FAM118A: variants seen among roughly 807,000 people sequenced by gnomAD.
FAM118A encodes the protein protein FAM118A.
Under a neutral mutation model 38.2 loss-of-function variants are expected in FAM118A, and 25 were observed. That is an observed-to-expected ratio of 0.65 (90% confidence interval 0.48 to 0.91). FAM118A has a LOEUF of 0.91. Among genes scored for constraint, FAM118A ranks in the 40% least tolerant of loss-of-function variants. The pLI is 0.00. For synonymous variants in FAM118A, 178 were observed against 184.1 expected, an observed-to-expected ratio of 0.97 and a Z score of 0.27; for missense variants, 425 against 463.3, an observed-to-expected ratio of 0.92 and a Z score of 0.76.
chr22:45,330,679 T>C lies in FAM118A; in HGVS notation c.599T>C (p.Val200Ala). The C allele has an allele frequency of 6.2e-7, 1 of 1,603,624 alleles. No homozygotes were observed. Among genetic ancestry groups the C allele is most frequent in the South Asian group, 1.1e-5 (1 of 89,578 alleles). Residue 200 changes from valine to alanine, a missense_variant, in exon 5 of 9, where the codon GTG (valine) becomes GCG (alanine). Transcript: ENST00000441876. ...IHGLYTDPCG[V>A]VLDPSGYKDV... ...GGCCTCTACACGGACCCCTGCGGGG[T>C]GGTGCTGGACCCATCGGGGTATAAA...
chr22:45,322,331 TG>T, intron 1 of FAM118A, 39 bp from the exon 2 acceptor site: 1 of 1,594,104 alleles, frequency 6.3e-7, no homozygotes. Context: ...AACTTTTACC[TG>T]GGAGACAGAA....
intron 4 of FAM118A, chr22:45,328,475 C>G (rs577324344): frequency 4.7e-6 from 4 of 857,338 alleles, no homozygotes; most frequent in African/African-American, 4.6e-5. Flanking sequence ...CAGTGAATTA[C>G]TAATAAAGTA....
intron 1 of FAM118A, among the ~76,000 whole-genome samples, chr22:45,311,618 T>G (rs1601865287): frequency 6.6e-6 from 1 of 151,400 alleles, no homozygotes; most frequent in Non-Finnish European, 1.5e-5. Context: ...GAGTGGAGGG[T>G]TTGGTACTTA....
intron 8 of FAM118A, among the ~76,000 whole-genome samples, chr22:45,339,563 A>G (rs1428777856): frequency 2.0e-5 from 3 of 152,204 alleles, no homozygotes; most frequent in Non-Finnish European, 4.4e-5. Context: ...TCATATAAGT[A>G]AAAACAAAAC....
At chr22:45,315,506 T>C (rs759578861) in intron 1 of FAM118A, among the ~76,000 whole-genome samples, 5 of 152,208 alleles carry the variant, frequency 3.3e-5, no homozygotes, top group Non-Finnish European at 5.9e-5. Flanking sequence ...TAACAGACAC[T>C]GTACACTTTA....
intron 1 of FAM118A, among the ~76,000 whole-genome samples, chr22:45,317,862 T>C (rs1322802653): frequency 6.6e-6 from 1 of 152,034 alleles, no homozygotes; most frequent in East Asian, 1.9e-4. Flanking sequence ...AAAGGGTGTG[T>C]CGGACTTGTA....
intron 1 of FAM118A, among the ~76,000 whole-genome samples, chr22:45,312,107 TCAA>T (rs945743528): frequency 5.3e-5 from 8 of 152,104 alleles, no homozygotes; most frequent in Non-Finnish European, 8.8e-5. Context: ...ATTATCTCAC[TCAA>T]CGACAATCAA....
At chr22:45,333,075 G>T (rs1009305754) in intron 6 of FAM118A, among the ~76,000 whole-genome samples, 1 of 152,034 alleles carries the variant, frequency 6.6e-6, no homozygotes, top group Non-Finnish European at 1.5e-5. Context: ...AACTCACAGG[G>T]CTCTTCCAGT....
chr22:45,310,480 C>T lies in FAM118A; in HGVS notation c.-10+297C>T, dbSNP rs1163306717. On this transcript the variant is annotated intron_variant, in intron 1 of 8. Transcript: ENST00000441876. ...TTCCCTTGGGACTTGCTTCCAGCAA[C>T]CTCCTCAGAAGCCCCCAGGCCCGGG... Among the ~76,000 whole-genome samples the T allele has an allele frequency of 2.0e-5, 3 of 152,286 alleles. 1 individual carries two copies. The highest frequency in any genetic ancestry group is 4.4e-5 in the Non-Finnish European group (3 of 68,018).
At chr22:45,331,268 G>A (rs1417642074) in intron 5 of FAM118A, among the ~76,000 whole-genome samples, 1 of 152,142 alleles carries the variant, frequency 6.6e-6, no homozygotes, top group Non-Finnish European at 1.5e-5. Context: ...AGGCTATGGT[G>A]AACTGGGATC....
chr22:45,320,701 G>T (rs949883875), intron 1 of FAM118A, among the ~76,000 whole-genome samples: 1 of 152,072 alleles, frequency 6.6e-6, no homozygotes, highest in Non-Finnish European at 1.5e-5. Flanking sequence ...GCCTCCCAAA[G>T]TGCTGGGATT....
intron 6 of FAM118A, among the ~76,000 whole-genome samples, chr22:45,333,169 G>A (rs2085846352): frequency 1.3e-5 from 2 of 152,106 alleles, no homozygotes; most frequent in Admixed American, 6.5e-5. Context: ...AACTGCCTCT[G>A]TAATTTAAAA....
chr22:45,339,255 G>A (rs898731111), intron 8 of FAM118A, among the ~76,000 whole-genome samples: 8 of 152,170 alleles, frequency 5.3e-5, no homozygotes, highest in Admixed American at 5.2e-4. Context: ...AATTAACTGG[G>A]TGTGGTGGCG....
At chr22:45,317,701 C>G (rs775568235) in intron 1 of FAM118A, among the ~76,000 whole-genome samples, 42 of 152,348 alleles carry the variant, frequency 2.8e-4, no homozygotes, top group Non-Finnish European at 4.1e-4. Context: ...CCCGGCCCAG[C>G]AGGTTCTTAT....
chr22:45,338,315 C>T lies in FAM118A; in HGVS notation c.1054+1904C>T, dbSNP rs144817545. ...CGCGATCTCGGCTCACCACAACCTCCGCTTCTTGGATTCAAGCTGTTTTCC... is the reference window on the plus strand; with the variant it reads ...CGCGATCTCGGCTCACCACAACCTCTGCTTCTTGGATTCAAGCTGTTTTCC... On this transcript the variant is annotated intron_variant, in intron 8 of 8. Coordinates refer to ENST00000441876, the MANE Select transcript of FAM118A (RefSeq NM_017911.4). Among the ~76,000 whole-genome samples the T allele has an allele frequency of 3.8e-3, 572 of 152,206 alleles. 6 individuals are homozygous for T. Among genetic ancestry groups the T allele is most frequent in the African/African-American group, 0.013 (541 of 41,532 alleles).
intron 8 of FAM118A, among the ~76,000 whole-genome samples, chr22:45,338,948 C>T (rs1278371762): frequency 6.6e-6 from 1 of 152,172 alleles, no homozygotes; most frequent in East Asian, 1.9e-4. Context: ...GGGCCACCTG[C>T]AGAGTGAATT....
At chr22:45,328,638 A>C in intron 4 of FAM118A, 1 of 587,388 alleles carries the variant, frequency 1.7e-6, no homozygotes, top group East Asian at 2.8e-5. Context: ...CTCTTAAAAA[A>C]AAAAAAGTAA....
intron 6 of FAM118A, among the ~76,000 whole-genome samples, chr22:45,334,735 T>G (rs2085965082): frequency 6.6e-6 from 1 of 152,222 alleles, no homozygotes; most frequent in South Asian, 2.1e-4. Flanking sequence ...CTGGCCTGAC[T>G]GCAGAGCAAA....
rs1186053588 is a variant in FAM118A, at chr22:45,311,489, G to A, written c.-10+1306G>A. Among the ~76,000 whole-genome samples, 4 of 152,220 alleles carry A rather than the reference G, an allele frequency of 2.6e-5. No individual in the cohort carries two copies. In the East Asian group the frequency reaches 5.8e-4, roughly 22 times the overall value. On this transcript the variant is annotated intron_variant, in intron 1 of 8. Coordinates refer to ENST00000441876, the MANE Select transcript of FAM118A (RefSeq NM_017911.4). The stretch of plus-strand genomic sequence containing the variant: ...GAGAAGTGAGGGAAGTGTCTCGCTA[G>A]AGACCTGGTATGGGAGAAGCTGGGA...
Sources: allele counts gnomAD v4.1 joint callset (sites outside exome capture counted in the v4.1 genomes callset), GRCh38; gene constraint gnomAD v4.1.1; transcripts MANE v1.5; gene names NCBI Gene and HGNC (gene_info 2026-07-23, HGNC 2026-07-21).